Variants in ABHD17C observed in about 807,000 individuals in gnomAD.
ABHD17C encodes abhydrolase domain containing 17C, depalmitoylase.
A neutral mutation model predicts 27.9 loss-of-function variants in ABHD17C; 11 were observed. The observed-to-expected ratio is 0.39, with a 90% CI of 0.25 to 0.65. The LOEUF is 0.65. Ranked by LOEUF, ABHD17C falls within the 30% of genes least tolerant of loss-of-function variation. ABHD17C has a pLI of 0.45. For synonymous variants in ABHD17C, 233 were observed against 209.1 expected (o/e 1.11, Z -0.98); for missense variants, 280 against 470.2 (o/e 0.60, Z 3.74).
Position 80,695,578 on chromosome 15 carries a change from G to A in ABHD17C, c.149G>A (p.Arg50His). The A allele has an allele frequency of 8.9e-7, 1 of 1,122,580 alleles. No homozygotes were observed. Among genetic ancestry groups the A allele is most frequent in the Non-Finnish European group, 1.1e-6 (1 of 916,416 alleles). 69.5% of individuals were successfully genotyped at this position (1,122,580 alleles called of 1,614,324 possible). ...PTYTVLAPEQ[R>H]GAGASAPAPA... ...TACACGGTGCTGGCGCCGGAGCAGCGCGGCGCCGGCGCGTCCGCCCCGGCC... is the reference window on the plus strand; with the variant it reads ...TACACGGTGCTGGCGCCGGAGCAGCACGGCGCCGGCGCGTCCGCCCCGGCC... The change falls in exon 1 of 3, where the codon CGC becomes CAC. Residue 50 changes from arginine (R) to histidine (H), a missense_variant. Physicochemically the swap from Arg to His is conservative, Grantham distance 29 (BLOSUM62 0). Transcript: ENST00000258884. This position sits in a 1 kb window ranked among gnomAD's most constrained non-coding sequence, Gnocchi z 4.3.
At chr15:80,748,119 T>A (rs1231026553) in intron 1 of ABHD17C, among the ~76,000 whole-genome samples, 1 of 152,184 alleles carries the variant, frequency 6.6e-6, no homozygotes, top group South Asian at 2.1e-4. Context: ...CCATAAAGCA[T>A]GTTCCAATGC....
At chr15:80,751,373 A>C (rs1286007940) in intron 2 of ABHD17C, among the ~76,000 whole-genome samples, 1 of 152,134 alleles carries the variant, frequency 6.6e-6, no homozygotes, top group Non-Finnish European at 1.5e-5. Context: ...AGGAAAAAAA[A>C]AAGATGTTTG....
chr15:80,719,135 G>C (rs1479712186), intron 1 of ABHD17C, among the ~76,000 whole-genome samples: 1 of 152,152 alleles, frequency 6.6e-6, no homozygotes, highest in African/African-American at 2.4e-5. Flanking sequence ...AATAATATAT[G>C]CAGACAATGT....
intron 1 of ABHD17C, chr15:80,702,987 A>G (rs1423130350): frequency 6.6e-6 from 1 of 152,258 alleles, no homozygotes; most frequent in East Asian, 1.9e-4. Flanking sequence ...CAGCTGTAAC[A>G]GAAGATCTGC....
At chr15:80,700,419 T>C (rs1894555815) in intron 1 of ABHD17C, among the ~76,000 whole-genome samples, 1 of 152,120 alleles carries the variant, frequency 6.6e-6, no homozygotes, top group Non-Finnish European at 1.5e-5. Context: ...TGCTTCTTTT[T>C]GATGCTGGTG....
chr15:80,714,865 A>G (rs570201553), intron 1 of ABHD17C, among the ~76,000 whole-genome samples: 10 of 152,366 alleles, frequency 6.6e-5, no homozygotes, highest in Admixed American at 5.9e-4. Context: ...GTATCTGAGC[A>G]TGACAGTAAA....
intron 1 of ABHD17C, among the ~76,000 whole-genome samples, chr15:80,727,270 GAT>G (rs1362282573): frequency 1.3e-5 from 2 of 152,186 alleles, no homozygotes; most frequent in Non-Finnish European, 2.9e-5. Flanking sequence ...TTTAAGCAGA[GAT>G]TGAGGGCAGT....
chr15:80,726,998 T>A (rs1188240291), intron 1 of ABHD17C, among the ~76,000 whole-genome samples: 1 of 152,226 alleles, frequency 6.6e-6, no homozygotes, highest in Admixed American at 6.5e-5. Context: ...TGCTGGGAGT[T>A]GAAATAAGTT....
rs557545306 is a variant in ABHD17C, at chr15:80,710,510, A to C, written c.590+14491A>C. Among the ~76,000 whole-genome samples, 13 of 152,326 alleles carry C rather than the reference A, an allele frequency of 8.5e-5. No homozygotes were observed. In the South Asian group the frequency reaches 2.7e-3, roughly 32 times the overall value. On this transcript the variant is annotated intron_variant, in intron 1 of 2. Transcript: ENST00000258884. ...GAGGGAGGAAGGTGAGAGACCAATT[A>C]GGATGCAAATGCAGTATTTTAGATG...
At chr15:80,698,355 C>T (rs1485873886) in intron 1 of ABHD17C, among the ~76,000 whole-genome samples, 1 of 151,994 alleles carries the variant, frequency 6.6e-6, no homozygotes, top group Admixed American at 6.6e-5. Flanking sequence ...TGAGCCACCG[C>T]GCCTGGCCTA....
intron 1 of ABHD17C, among the ~76,000 whole-genome samples, chr15:80,698,389 A>G (rs1162697112): frequency 1.3e-5 from 2 of 152,168 alleles, no homozygotes; most frequent in Admixed American, 6.5e-5. Flanking sequence ...AAAAAGAAAA[A>G]AAAAGATGGT....
chr15:80,712,596 ATGTT>A (rs1397189486), intron 1 of ABHD17C, among the ~76,000 whole-genome samples: 21 of 152,298 alleles, frequency 1.4e-4, no homozygotes, highest in East Asian at 7.7e-4. Context: ...GAGAAGGGGA[ATGTT>A]TGTTCTTCTT....
chr15:80,711,647 A>G (rs1894730128), intron 1 of ABHD17C, among the ~76,000 whole-genome samples: 1 of 152,172 alleles, frequency 6.6e-6, no homozygotes, highest in African/African-American at 2.4e-5. Flanking sequence ...TGTGGTGAAG[A>G]TTACAGTTTT....
chr15:80,755,566 G>A lies in ABHD17C; in HGVS notation c.*1196G>A, dbSNP rs1225255171. 6.6e-6 allele frequency: 1 copy of A among 152,128 alleles called. No homozygotes were observed. The highest frequency in any genetic ancestry group is 1.9e-4 in the East Asian group (1 of 5,186). 9.4% of individuals were successfully genotyped at this position (152,128 alleles called of 1,614,324 possible). A position where few individuals can be genotyped will look rare whatever the true frequency, so the allele number is the denominator to read the frequency against. On this transcript the variant is annotated 3_prime_UTR_variant, in exon 3 of 3. Transcript: ENST00000258884. ...GCGGTTGATTGCCAGTTTGTGTACT[G>A]TTGCTTGGATGCGGCACAGTGGTTG... is the stretch of plus-strand genomic sequence containing the variant.
intron 1 of ABHD17C, among the ~76,000 whole-genome samples, chr15:80,740,132 C>G (rs1895189141): frequency 6.6e-6 from 1 of 152,132 alleles, no homozygotes; most frequent in Admixed American, 6.5e-5. Context: ...AGCTTTAATC[C>G]TGCCACCTGC....
At chr15:80,739,811 G>T (rs1165512576) in intron 1 of ABHD17C, among the ~76,000 whole-genome samples, 1 of 152,096 alleles carries the variant, frequency 6.6e-6, no homozygotes, top group Non-Finnish European at 1.5e-5. Context: ...TACAGCCCCT[G>T]TTGTTCTGTG....
At chr15:80,721,571 G>A (rs138026642) in intron 1 of ABHD17C, among the ~76,000 whole-genome samples, 136 of 152,294 alleles carry the variant, frequency 8.9e-4, no homozygotes, top group African/African-American at 3.2e-3. Context: ...CAGGCAAATA[G>A]CAAATGTGCC....
chr15:80,744,168 A>G (rs1162845774), intron 1 of ABHD17C, among the ~76,000 whole-genome samples: 4 of 152,008 alleles, frequency 2.6e-5, no homozygotes. Context: ...CTGTAGTCCA[A>G]CTCTTTTTGC....
intron 1 of ABHD17C, among the ~76,000 whole-genome samples, chr15:80,739,267 A>G (rs1895173824): frequency 6.6e-6 from 1 of 152,200 alleles, no homozygotes; most frequent in African/African-American, 2.4e-5. Context: ...CCTACCTGTG[A>G]GCTCTCTTTC....
Sources: allele counts gnomAD v4.1 joint callset (sites outside exome capture counted in the v4.1 genomes callset), GRCh38; gene constraint gnomAD v4.1.1; non-coding constraint Gnocchi (gnomAD v3.1); transcripts MANE v1.5; gene names NCBI Gene and HGNC (gene_info 2026-07-23, HGNC 2026-07-21).